CBR4: variants seen among roughly 807,000 people sequenced by gnomAD.
CBR4 encodes the protein 3-oxoacyl-[acyl-carrier-protein] reductase.
Under a neutral mutation model 21.0 loss-of-function variants are expected in CBR4, and 22 were observed. The ratio of observed to expected loss-of-function variants is 1.05; its 90% CI spans 0.75 to 1.50. CBR4 has a LOEUF of 1.50. Ranked by LOEUF, CBR4 falls within the 40% of genes most tolerant of loss-of-function variation. The pLI is 0.00. For missense variants in CBR4, 302 were observed against 286.3 expected (o/e 1.05, Z -0.40); for synonymous variants, 100 against 104.4 (o/e 0.96, Z 0.26).
At chr4:168,959,747 G>C (rs910010233) in intron 2 of CBR4, among the ~76,000 whole-genome samples, 3 of 151,188 alleles carry the variant, frequency 2.0e-5, no homozygotes, top group Non-Finnish European at 4.4e-5. Flanking sequence ...TGTACTTTTA[G>C]AGAGATGGGG....
intron 2 of CBR4, among the ~76,000 whole-genome samples, chr4:168,902,410 G>A (rs1356480359): frequency 6.6e-6 from 1 of 152,136 alleles, no homozygotes; most frequent in Non-Finnish European, 1.5e-5. Context: ...AGCCATGTTA[G>A]GGCTGTTGGC....
chr4:168,932,243 A>T (rs1371421382), intron 2 of CBR4, among the ~76,000 whole-genome samples: 3 of 145,264 alleles, frequency 2.1e-5, no homozygotes. Context: ...CAAAGAACAT[A>T]AAAAAAAAAA....
intron 3 of CBR4, among the ~76,000 whole-genome samples, chr4:169,004,964 T>C (rs1026656443): frequency 6.6e-6 from 1 of 152,110 alleles, no homozygotes; most frequent in African/African-American, 2.4e-5. Flanking sequence ...GTACTTATGA[T>C]ACAAAAATTA....
rs527573072 is a variant in CBR4 at position 168,928,301 on chromosome 4, T to G, written n.170-33536A>C. 9.2e-4 allele frequency: 158 copies of G among 171,166 alleles called. 1 individual carries two copies. Among genetic ancestry groups the G allele is most frequent in the African/African-American group, 3.8e-3 (155 of 40,476 alleles). 10.6% of individuals were successfully genotyped at this position (171,166 alleles called of 1,614,324 possible). ...CTGGGTTTGGGATTAACTAGCATTA[T>G]TTTGCCACCTTTATATTGTATTTAT... On this transcript the variant is annotated intron_variant and non_coding_transcript_variant, in intron 2 of 3. Coordinates refer to the CBR4 transcript ENST00000509108.
intron 2 of CBR4, among the ~76,000 whole-genome samples, chr4:168,953,539 C>T (rs1343226332): frequency 6.6e-6 from 1 of 151,968 alleles, no homozygotes; most frequent in Non-Finnish European, 1.5e-5. Context: ...AATCCTCCTA[C>T]ATCAGCCTCC....
chr4:168,910,285 T>A (rs1417363689), intron 2 of CBR4, among the ~76,000 whole-genome samples: 3 of 150,078 alleles, frequency 2.0e-5, no homozygotes, highest in African/African-American at 7.4e-5. Flanking sequence ...AGGATCTGTT[T>A]AGAGCTGAAT....
intron 2 of CBR4, chr4:168,924,124 C>A: frequency 1.3e-6 from 1 of 748,272 alleles, no homozygotes; most frequent in Non-Finnish European, 2.3e-6. Context: ...AGGGGACTAG[C>A]ATCTTACCAC....
chr4:168,951,910 C>T (rs778875879), intron 2 of CBR4, among the ~76,000 whole-genome samples: 10 of 152,260 alleles, frequency 6.6e-5, no homozygotes, highest in South Asian at 2.1e-4. Context: ...GATATTTTTG[C>T]GATGAATTTC....
chr4:168,967,936 A>T (rs1021582326), intron 2 of CBR4, among the ~76,000 whole-genome samples: 1 of 152,176 alleles, frequency 6.6e-6, no homozygotes, highest in Non-Finnish European at 1.5e-5. Flanking sequence ...CCATGCCTCA[A>T]CTGTTGTGGT....
chr4:168,896,614 CT>C (rs1560876800), intron 2 of CBR4: 1 of 1,420,642 alleles, frequency 7.0e-7, no homozygotes, highest in South Asian at 1.2e-5. Flanking sequence ...AGCTTTTCAC[CT>C]TTCTTCTCCT....
chr4:169,007,408 G>A (rs531460261), intron 2 of CBR4, among the ~76,000 whole-genome samples: 28 of 152,076 alleles, frequency 1.8e-4, no homozygotes, highest in Non-Finnish European at 3.7e-4. Context: ...AACATTCTAC[G>A]GCTCAATATG....
At chr4:169,009,820 G>A (rs895080445) in intron 1 of CBR4, 128 bp downstream of exon 1, 2 of 815,338 alleles carry the variant, frequency 2.5e-6, no homozygotes, top group African/African-American at 1.8e-5. Flanking sequence ...ACGGGAGAGC[G>A]CCTGCACGCG....
intron 2 of CBR4, among the ~76,000 whole-genome samples, chr4:168,916,911 C>T (rs1760240148): frequency 1.3e-5 from 2 of 151,758 alleles, no homozygotes; most frequent in Admixed American, 1.3e-4. Flanking sequence ...CTTCATGATC[C>T]GCCCACCTCA....
chr4:168,983,861 C>T (rs1010242720), downstream of CBR4, among the ~76,000 whole-genome samples: 1 of 152,066 alleles, frequency 6.6e-6, no homozygotes, highest in African/African-American at 2.4e-5. Context: ...TTCAACATCT[C>T]TTCATCTTAA....
At chr4:168,938,724 T>C (rs1487120627) in intron 2 of CBR4, among the ~76,000 whole-genome samples, 4 of 152,158 alleles carry the variant, frequency 2.6e-5, no homozygotes, top group Non-Finnish European at 2.9e-5. Flanking sequence ...AATGGATAAA[T>C]TCCTGGACAC....
intron 2 of CBR4, among the ~76,000 whole-genome samples, chr4:168,900,443 A>G (rs1195115420): frequency 6.6e-6 from 1 of 152,258 alleles, no homozygotes; most frequent in Non-Finnish European, 1.5e-5. Flanking sequence ...ATAGTACCAA[A>G]AAATACAAAT....
chr4:168,969,647 G>A (rs1297132786), intron 2 of CBR4, among the ~76,000 whole-genome samples: 1 of 152,160 alleles, frequency 6.6e-6, no homozygotes, highest in Non-Finnish European at 1.5e-5. Flanking sequence ...GAGAAGGAAT[G>A]CAGGCAGCCT....
Position 168,942,158 on chromosome 4 carries a change from T to A in CBR4, n.170-47393A>T, listed in dbSNP as rs59237059. On this transcript the variant is annotated intron_variant and non_coding_transcript_variant, in intron 2 of 3. Transcript: ENST00000509108. ...ACAGAAAACCAAACACCACATGTTC[T>A]CACTCACAAATGGGAGTCGAACAAT... 2.9e-3 allele frequency among the ~76,000 whole-genome samples: 438 copies of A among 151,638 alleles called. 3 individuals are homozygous for A. The highest frequency in any genetic ancestry group is 0.01 in the African/African-American group (430 of 41,254).
intron 2 of CBR4, among the ~76,000 whole-genome samples, chr4:168,944,834 T>G (rs987135860): frequency 1.3e-5 from 2 of 152,054 alleles, no homozygotes; most frequent in African/African-American, 4.8e-5. Flanking sequence ...CAATTGTTTC[T>G]TACTGACTCT....
Sources: allele counts gnomAD v4.1 joint callset (sites outside exome capture counted in the v4.1 genomes callset), GRCh38; gene constraint gnomAD v4.1.1; transcripts MANE v1.5; gene names NCBI Gene and HGNC (gene_info 2026-07-23, HGNC 2026-07-21).